The following SCN4A variants were observed in gnomAD, a reference collection of about 807,000 sequenced individuals.
The protein encoded by SCN4A is sodium voltage-gated channel alpha subunit 4, also known as sodium channel protein type 4 subunit alpha.
SCN4A carries 83 observed loss-of-function variants against 162.0 expected under a neutral mutation model. The ratio of observed to expected loss-of-function variants is 0.51; its 90% CI spans 0.43 to 0.61. SCN4A has a LOEUF of 0.61. SCN4A is among the 20% of genes least tolerant of loss of function. SCN4A has a pLI of 0.00. For missense variants in SCN4A, 2,196 were observed against 2,462.5 expected, an observed-to-expected ratio of 0.89 and a Z score of 2.29; for synonymous variants, 944 against 985.1, an observed-to-expected ratio of 0.96 and a Z score of 0.78.
Position 63,964,656 on chromosome 17 carries a change from T to G in SCN4A, c.1264A>C (p.Thr422Pro), listed in dbSNP as rs1597982757. The G allele has an allele frequency of 6.2e-7, 1 of 1,609,516 alleles. No individual in the cohort carries two copies. Among genetic ancestry groups the G allele is most frequent in the Non-Finnish European group, 8.5e-7 (1 of 1,178,392 alleles). ...FQLTLRAAGK[T>P]YMIFFVVIIF... ...ATGACCACGAAGAAGATCATGTAGG[T>G]CTTGCCAGCTGCTCGAAGGGTCTGG... is the stretch of plus-strand genomic sequence containing the variant. Residue 422 changes from threonine to proline, a missense_variant, in exon 9 of 24, where the codon ACC (threonine) becomes CCC (proline). By Grantham distance (38) the Thr-to-Pro change is conservative (BLOSUM62 -1). Coordinates refer to ENST00000435607, the MANE Select transcript of SCN4A (RefSeq NM_000334.4).
At chr17:63,964,003 T>A (rs1332836935) in intron 9 of SCN4A, among the ~76,000 whole-genome samples, 178 bp from the exon 10 acceptor site, 1 of 152,058 alleles carries the variant, frequency 6.6e-6, no homozygotes, top group Non-Finnish European at 1.5e-5. Context: ...GGTGACAGGG[T>A]AGGGACCAAA....
rs371682729 is a variant in SCN4A at position 63,972,843 on chromosome 17, C to A, written c.-2G>T. 2.7e-5 allele frequency: 43 copies of A among 1,604,748 alleles called. No homozygotes were observed. In the African/African-American group the frequency reaches 4.0e-4, roughly 15 times the overall value. ...GGTGCACAGAGATGGTCTGGCCATC[C>A]TCGCATCCTGGGCTCAGAGACCAGA... is the stretch of plus-strand genomic sequence containing the variant. On this transcript the variant is annotated 5_prime_UTR_variant, in exon 1 of 24. In the 5' UTR this introduces an upstream ATG that the reference lacks. Coordinates refer to ENST00000435607, the MANE Select transcript of SCN4A (RefSeq NM_000334.4). The surrounding 1 kb of genome is among the most constrained non-coding windows in gnomAD (Gnocchi z 4.3).
intron 15 of SCN4A, 75 bp from the exon 16 acceptor site, chr17:63,948,840 C>A: frequency 7.2e-7 from 1 of 1,383,874 alleles, no homozygotes; most frequent in Non-Finnish European, 9.7e-7. Context: ...ACAGTCAGCG[C>A]CCTCCCATGG....
At chr17:63,943,707 T>C (rs1348690469) in intron 22 of SCN4A, 39 bp downstream of exon 22, 5 of 1,309,396 alleles carry the variant, frequency 3.8e-6, no homozygotes, top group Non-Finnish European at 5.5e-6. Flanking sequence ...GGCAGGAGCC[T>C]GGCAGCACAC....
rs895282369 is a variant in SCN4A at position 63,956,125 on chromosome 17, C to G, written c.2376+1037G>C. The stretch of plus-strand genomic sequence containing the variant: ...TGGACCATGGCCCTATACCCTGGCT[C>G]TCACCTCCTGGCCCCTTCCTCTGCA... On this transcript the variant is annotated intron_variant, in intron 13 of 23. Transcript: ENST00000435607. 1.1e-4 allele frequency among the ~76,000 whole-genome samples: 16 copies of G among 152,262 alleles called. 1 individual carries two copies. Among genetic ancestry groups the G allele is most frequent in the Admixed American group, 6.5e-5 (1 of 15,288 alleles).
At position 63,972,814 on chromosome 17, in the gene SCN4A, C is replaced by A. The variant is rs1305217778; in HGVS notation, c.28G>T (p.Val10Leu). 2 of 1,612,964 alleles carry A rather than the reference C, an allele frequency of 1.2e-6. No homozygotes were observed. Among genetic ancestry groups the A allele is most frequent in the African/African-American group, 2.7e-5 (2 of 74,912 alleles). Reference sequence around the variant, plus strand: ...CGCAAGCACTCAGGGCCCAGAGGCACCAGGGTGCACAGAGATGGTCTGGCC... The same window carrying A: ...CGCAAGCACTCAGGGCCCAGAGGCAACAGGGTGCACAGAGATGGTCTGGCC... MARPSLCTL[V>L]PLGPECLRPF... The change falls in exon 1 of 24, where the codon GTG becomes TTG. Residue 10 changes from valine to leucine, a missense_variant. By Grantham distance (32) the Val-to-Leu change is conservative (BLOSUM62 1). Coordinates refer to ENST00000435607, the MANE Select transcript of SCN4A (RefSeq NM_000334.4). The surrounding 1 kb of genome is among the most constrained non-coding windows in gnomAD (Gnocchi z 4.3).
Position 63,945,432 on chromosome 17 carries a change from G to C in SCN4A, c.3648C>G (p.Gly1216=). The C allele has an allele frequency of 6.2e-7, 1 of 1,613,958 alleles. No individual in the cohort carries two copies. The highest frequency in any genetic ancestry group is 8.5e-7 in the Non-Finnish European group (1 of 1,179,846). Residue 1216 remains glycine, a synonymous_variant, in exon 19 of 24, where the codon GGC becomes GGG. Transcript: ENST00000435607. The surrounding 1 kb of genome is among the most constrained non-coding windows in gnomAD (Gnocchi z 4.4). ...CCTTGACATTGAGCCAGCGGACCTG[G>C]CCTGTGTGCATGAGGCTCTCGCACT... ...KSECESLMHT[G]QVRWLNVKVN... is the part of the protein sequence containing the mutation.
chr17:63,961,529 CT>C, intron 10 of SCN4A, 98 bp from the exon 11 acceptor site: 1 of 837,206 alleles, frequency 1.2e-6, no homozygotes, highest in Non-Finnish European at 2.0e-6. Context: ...AGCCCCGCCC[CT>C]TAGCACTCCA....
rs1908684537 is a variant in SCN4A, at chr17:63,945,444, G to A, written c.3636C>T (p.Leu1212=). ...EVNNKSECES[L]MHTGQVRWLN... ...GCCAGCGGACCTGGCCTGTGTGCAT[G>A]AGGCTCTCGCACTCAGACTTGTTGT... Residue 1212 remains leucine, a synonymous_variant, in exon 19 of 24, where the codon CTC becomes CTT. Coordinates refer to ENST00000435607, the MANE Select transcript of SCN4A (RefSeq NM_000334.4). The surrounding 1 kb of genome is among the most constrained non-coding windows in gnomAD (Gnocchi z 4.4). The A allele has an allele frequency of 1.9e-6, 3 of 1,613,888 alleles. No homozygotes were observed. Among genetic ancestry groups the A allele is most frequent in the Admixed American group, 1.7e-5 (1 of 60,010 alleles).
At chr17:63,970,250 A>G (rs1006266930) in intron 5 of SCN4A, among the ~76,000 whole-genome samples, 2 of 152,112 alleles carry the variant, frequency 1.3e-5, no homozygotes, top group African/African-American at 4.8e-5. Flanking sequence ...TATTGAGCAC[A>G]CACGTGTATA....
chr17:63,966,809 C>T (rs1243508381), intron 6 of SCN4A, among the ~76,000 whole-genome samples: 5 of 152,168 alleles, frequency 3.3e-5, no homozygotes, highest in East Asian at 1.9e-4. Flanking sequence ...GGCACAGAGA[C>T]GGAACGTGTA....
At chr17:63,963,543 G>T in intron 10 of SCN4A, 129 bp downstream of exon 10, 1 of 968,472 alleles carries the variant, frequency 1.0e-6, no homozygotes, top group South Asian at 2.1e-5. Context: ...GCCCCACCCT[G>T]ACCTCAGGGG....
chr17:63,947,139 C>T lies in SCN4A; in HGVS notation c.3347G>A (p.Trp1116Ter). Residue 1116 changes from tryptophan to a stop codon, truncating the protein, a stop_gained, in exon 18 of 24, where the codon TGG becomes TAG. Coordinates refer to ENST00000435607, the MANE Select transcript of SCN4A (RefSeq NM_000334.4). LOFTEE classifies it high-confidence loss of function. ...DVSIISLVAN[W>*]LGYSELGPIK... ...GGGTCCCAGCTCCGAGTAGCCCAGCCAGTTGGCCACCAAGCTGATGATGGA... is the reference window on the plus strand; with the variant it reads ...GGGTCCCAGCTCCGAGTAGCCCAGCTAGTTGGCCACCAAGCTGATGATGGA... 1 of 1,613,556 alleles carries T rather than the reference C, an allele frequency of 6.2e-7. No homozygotes were observed. The highest frequency in any genetic ancestry group is 8.5e-7 in the Non-Finnish European group (1 of 1,179,796).
intron 6 of SCN4A, 82 bp from the exon 7 acceptor site, chr17:63,966,626 G>T: frequency 3.9e-6 from 4 of 1,037,976 alleles, no homozygotes; most frequent in South Asian, 3.8e-5. Context: ...CACACCTGTG[G>T]ACAGGTCTGC....
At chr17:63,963,621 C>A (rs1319741047) in intron 10 of SCN4A, 51 bp downstream of exon 10, 1 of 1,482,252 alleles carries the variant, frequency 6.7e-7, no homozygotes, top group East Asian at 2.4e-5. Context: ...GAATCCAGTC[C>A]AGCCAGGCTC....
At chr17:63,963,946 T>C in intron 9 of SCN4A, 121 bp from the exon 10 acceptor site, 4 of 994,786 alleles carry the variant, frequency 4.0e-6, no homozygotes, top group Non-Finnish European at 5.7e-6. Flanking sequence ...CTGGCCTGTG[T>C]CAAACTTAGT....
At position 63,940,427 on chromosome 17, in the gene SCN4A, C is replaced by T. The variant is rs917242287; in HGVS notation, c.*344G>A. ...TGATCCCTCCACCGCAGGCCAGCTC[C>T]TCCTCAAGTGAGGGGCAGAGATTCG... On this transcript the variant is annotated 3_prime_UTR_variant, in exon 24 of 24. Transcript: ENST00000435607. 2.1e-5 allele frequency: 6 copies of T among 281,984 alleles called. No individual in the cohort carries two copies. Among genetic ancestry groups the T allele is most frequent in the Admixed American group, 4.7e-5 (1 of 21,446 alleles). 17.5% of individuals were successfully genotyped at this position (281,984 alleles called of 1,614,324 possible). A position where few individuals can be genotyped will look rare whatever the true frequency, so the allele number is the denominator to read the frequency against.
Position 63,958,640 on chromosome 17 carries a change from C to G in SCN4A, c.2019+625G>C, listed in dbSNP as rs369032693. Among the ~76,000 whole-genome samples, 17 of 152,232 alleles carry G rather than the reference C, an allele frequency of 1.1e-4. No individual in the cohort carries two copies. The East Asian group carries it at 2.9e-3, about 26-fold the overall frequency. On this transcript the variant is annotated intron_variant, in intron 12 of 23. Transcript: ENST00000435607. ...CGATCTCGGCTCACTGCAACCTCAG[C>G]CTTCCGGGTTCAAGTGATTCTCCTG...
intron 23 of SCN4A, 78 bp downstream of exon 23, chr17:63,942,748 G>GGTGTGTCC: frequency 7.0e-7 from 1 of 1,431,730 alleles, no homozygotes; most frequent in Non-Finnish European, 9.6e-7. Context: ...TGCAGGGGCA[G>GGTGTGTCC]GTGTGTCCGT....
Sources: allele counts gnomAD v4.1 joint callset (sites outside exome capture counted in the v4.1 genomes callset), GRCh38; gene constraint gnomAD v4.1.1; non-coding constraint Gnocchi (gnomAD v3.1); transcripts MANE v1.5; gene names NCBI Gene and HGNC (gene_info 2026-07-23, HGNC 2026-07-21).